The following RELCH variants were observed in gnomAD, a reference collection of about 807,000 sequenced individuals.
The protein encoded by RELCH is RAB11-binding protein RELCH.
RELCH carries 41 observed loss-of-function variants against 150.3 expected under a neutral mutation model. The observed-to-expected ratio is 0.27, with a 90% CI of 0.21 to 0.35. The LOEUF (loss-of-function observed/expected upper bound fraction) is 0.35, where lower values mean the gene tolerates loss of function less well. RELCH is among the 10% of genes least tolerant of loss of function. The probability of loss-of-function intolerance (pLI) is 1.00; values close to 1 mark genes in which losing one functional copy is unlikely to be tolerated. For synonymous variants in RELCH, 478 were observed against 531.8 expected (o/e 0.90, Z 1.39); for missense variants, 1,092 against 1,467.8 (o/e 0.74, Z 4.18).
intron 11 of RELCH, among the ~76,000 whole-genome samples, chr18:62,248,990 G>A (rs538083559): frequency 6.6e-6 from 1 of 152,300 alleles, no homozygotes; most frequent in South Asian, 2.1e-4. Flanking sequence ...CATCCTGGAT[G>A]GGTGGATAGA....
rs767086425 is a variant in RELCH, at chr18:62,221,518, T to C, written c.858+21T>C. ...ATCAGGTAAAGTTACTTTTTGTTTTTACAGTGATTTTTTTCTACACTTATA... is the reference window on the plus strand; with the variant it reads ...ATCAGGTAAAGTTACTTTTTGTTTTCACAGTGATTTTTTTCTACACTTATA... On this transcript the variant is annotated intron_variant, in intron 5 of 28. Transcript: ENST00000644646. The C allele has an allele frequency of 2.5e-6, 3 of 1,208,264 alleles. No individual in the cohort carries two copies. The African/African-American group carries it at 4.7e-5, about 19-fold the overall frequency. 74.8% of individuals were successfully genotyped at this position (1,208,264 alleles called of 1,614,324 possible).
Position 62,260,193 on chromosome 18 carries a change from C to CAAAAAAA in RELCH, c.2203-1312_2203-1306dup, listed in dbSNP as rs377119786. 1.6e-4 allele frequency among the ~76,000 whole-genome samples: 15 copies of CAAAAAAA among 95,814 alleles called. 3 individuals are homozygous for CAAAAAAA. Among genetic ancestry groups the CAAAAAAA allele is most frequent in the Admixed American group, 2.3e-4 (2 of 8,652 alleles). 62.9% of individuals were successfully genotyped at this position (95,814 alleles called of 152,430 possible). A position where few individuals can be genotyped will look rare whatever the true frequency, so the allele number is the denominator to read the frequency against. ...TGTAAGGATTCAAACAACTCAACAG[C>CAAAAAAA]AAAAAAAAAAAATCCAATTAAGGAA... On this transcript the variant is annotated intron_variant, in intron 15 of 28. Coordinates refer to ENST00000644646, the MANE Select transcript of RELCH (RefSeq NM_001346231.2).
At chr18:62,296,273 C>T (rs1159952030) in intron 27 of RELCH, among the ~76,000 whole-genome samples, 2 of 152,148 alleles carry the variant, frequency 1.3e-5, no homozygotes, top group Non-Finnish European at 1.5e-5. Flanking sequence ...GTTTCATCAG[C>T]TGTTGAAAGA....
At position 62,308,216 on chromosome 18, in the gene RELCH, T is replaced by C. The variant is rs780807025; in HGVS notation, c.*2682T>C. 9 of 152,184 alleles carry C rather than the reference T, an allele frequency of 5.9e-5. No individual in the cohort carries two copies. The highest frequency in any genetic ancestry group is 1.0e-4 in the Non-Finnish European group (7 of 68,042). 9.4% of individuals were successfully genotyped at this position (152,184 alleles called of 1,614,324 possible). A position where few individuals can be genotyped will look rare whatever the true frequency, so the allele number is the denominator to read the frequency against. ...ATTGAATTGTCTTTTCATCATCCCA[T>C]TTTTCAAGACAACCTATTTTGGACC... On this transcript the variant is annotated 3_prime_UTR_variant, in exon 29 of 29. Coordinates refer to ENST00000644646, the MANE Select transcript of RELCH (RefSeq NM_001346231.2).
intron 12 of RELCH, among the ~76,000 whole-genome samples, chr18:62,254,329 ATTTC>A (rs1184268335): frequency 2.0e-5 from 3 of 151,858 alleles, no homozygotes; most frequent in Admixed American, 6.6e-5. Flanking sequence ...TGTTTTATTT[ATTTC>A]TAAGTATTTC....
chr18:62,196,666 T>G (rs1262852060), intron 1 of RELCH, among the ~76,000 whole-genome samples: 1 of 152,234 alleles, frequency 6.6e-6, no homozygotes, highest in East Asian at 1.9e-4. Flanking sequence ...TCTTTCCAAT[T>G]GTTTCAAATT....
At chr18:62,206,884 CTTGT>C (rs150363482) in intron 1 of RELCH, among the ~76,000 whole-genome samples, 12,984 of 146,468 alleles carry the variant, frequency 0.089, 627 homozygotes, top group Middle Eastern at 0.18. Context: ...ACTCAATACA[CTTGT>C]TTGTTCTTTC....
Position 62,194,231 on chromosome 18 carries a change from C to T in RELCH, c.526+6200C>T, listed in dbSNP as rs1035420403. Among the ~76,000 whole-genome samples the T allele has an allele frequency of 3.9e-5, 6 of 152,034 alleles. 1 individual carries two copies. The highest frequency in any genetic ancestry group is 2.6e-4 in the Admixed American group (4 of 15,264). ...CTGCACTCCAGCCTGGGAGAAAGAA[C>T]GAGACCCTGTCTCAAAAAAAACCCC... is the stretch of plus-strand genomic sequence containing the variant. On this transcript the variant is annotated intron_variant, in intron 1 of 28. Transcript: ENST00000644646.
chr18:62,211,787 A>C (rs920084161), intron 2 of RELCH, among the ~76,000 whole-genome samples: 1 of 152,068 alleles, frequency 6.6e-6, no homozygotes, highest in African/African-American at 2.4e-5. Flanking sequence ...ATAAGCAAAT[A>C]AATAAATAAA....
chr18:62,258,172 T>C, intron 14 of RELCH, 84 bp downstream of exon 14: 2 of 1,247,604 alleles, frequency 1.6e-6, no homozygotes, highest in Non-Finnish European at 2.2e-6. Flanking sequence ...TTAGATACTT[T>C]ATAATGTATC....
At chr18:62,217,152 G>A (rs2040528236) in intron 2 of RELCH, among the ~76,000 whole-genome samples, 1 of 151,858 alleles carries the variant, frequency 6.6e-6, no homozygotes, top group South Asian at 2.1e-4. Context: ...AATTTTAGTG[G>A]GCTGGAGAAG....
chr18:62,187,303 C>T lies in RELCH; in HGVS notation c.-203C>T. ...GGAAGACGCCTGCAGAGCCGGGCTG[C>T]TGGTGCAGCAGAGGCTGAGGCATCA... On this transcript the variant is annotated 5_prime_UTR_variant, in exon 1 of 29. Coordinates refer to ENST00000644646, the MANE Select transcript of RELCH (RefSeq NM_001346231.2). 2.4e-6 allele frequency: 1 copy of T among 412,918 alleles called. No homozygotes were observed. The highest frequency in any genetic ancestry group is 4.3e-6 in the Non-Finnish European group (1 of 234,810). 25.6% of individuals were successfully genotyped at this position (412,918 alleles called of 1,614,324 possible).
chr18:62,306,364 T>C lies in RELCH; in HGVS notation c.*830T>C, dbSNP rs2045879086. 6.6e-6 allele frequency: 1 copy of C among 152,162 alleles called. No homozygotes were observed. Among genetic ancestry groups the C allele is most frequent in the Non-Finnish European group, 1.5e-5 (1 of 68,012 alleles). The allele number at this position is 152,162 out of a possible 1,614,324, so 9.4% of individuals were successfully genotyped here. On this transcript the variant is annotated 3_prime_UTR_variant, in exon 29 of 29. Coordinates refer to ENST00000644646, the MANE Select transcript of RELCH (RefSeq NM_001346231.2). ...TAATAATTGTGAGATTTTTCCCAAA[T>C]TGAGATACAGAAGAAAATATAGTTT...
intron 13 of RELCH, 32 bp from the exon 14 acceptor site, chr18:62,257,916 T>A (rs772817552): frequency 2.6e-6 from 4 of 1,537,830 alleles, no homozygotes; most frequent in Non-Finnish European, 3.5e-6. Context: ...TGCTTAGGTG[T>A]AAATAAATAG....
rs534626726 is a variant in RELCH at position 62,290,711 on chromosome 18, A to G, written c.3371-832A>G. ...ATACCTTTTAATGTCAAGATAATCA[A>G]CTAAAACTCAAAGATGACTGAGAAC... On this transcript the variant is annotated intron_variant, in intron 26 of 28. Transcript: ENST00000644646. 5.9e-5 allele frequency among the ~76,000 whole-genome samples: 9 copies of G among 152,306 alleles called. 1 individual carries two copies. The South Asian group carries it at 1.9e-3, about 32-fold the overall frequency.
At chr18:62,263,299 A>G (rs971824583) in intron 16 of RELCH, among the ~76,000 whole-genome samples, 2 of 152,036 alleles carry the variant, frequency 1.3e-5, no homozygotes, top group African/African-American at 4.8e-5. Context: ...TATGCTGGAG[A>G]TTAGATAGAA....
At chr18:62,257,505 T>C (rs1056942915) in intron 13 of RELCH, among the ~76,000 whole-genome samples, 11 of 152,214 alleles carry the variant, frequency 7.2e-5, no homozygotes, top group Middle Eastern at 3.4e-3. Context: ...AAACTCTCAG[T>C]GCTCTTCTCT....
chr18:62,268,623 A>C (rs1388261678), intron 19 of RELCH: 2 of 224,642 alleles, frequency 8.9e-6, no homozygotes, highest in Non-Finnish European at 1.7e-5. Context: ...GGAAATCAAG[A>C]GTATACCATC....
chr18:62,229,485 GGTGTGTGT>G (rs58842870), intron 8 of RELCH, among the ~76,000 whole-genome samples: 62 of 143,430 alleles, frequency 4.3e-4, no homozygotes, highest in Admixed American at 3.0e-3. Flanking sequence ...GTATAGTAGG[GGTGTGTGT>G]GTGTGTGTGT....
Sources: gnomAD v4.1 joint callset for allele counts (sites outside exome capture counted in the v4.1 genomes callset) on GRCh38, gnomAD v4.1.1 for gene constraint, MANE v1.5 for transcripts, NCBI Gene and HGNC (gene_info 2026-07-23, HGNC 2026-07-21) for gene names.